Variants in ZNF18 observed in about 807,000 individuals in gnomAD.
ZNF18 encodes the protein zinc finger protein 18, also known as heart development-specific gene 1 protein.
Under a neutral mutation model 58.1 loss-of-function variants are expected in ZNF18, and 42 were observed. That is an observed-to-expected ratio of 0.72 (90% CI 0.56 to 0.93). ZNF18 has a LOEUF of 0.93. Among genes scored for constraint, ZNF18 ranks in the 40% least tolerant of loss-of-function variants. The pLI is 0.00. For synonymous variants in ZNF18, 231 were observed against 239.8 expected (o/e 0.96, Z 0.34); for missense variants, 540 against 644.2 (o/e 0.84, Z 1.75).
At chr17:11,984,920 C>A (rs1057002271) in intron 4 of ZNF18, among the ~76,000 whole-genome samples, 1 of 151,974 alleles carries the variant, frequency 6.6e-6, no homozygotes, top group Non-Finnish European at 1.5e-5. Context: ...TCAGGAAATT[C>A]AAAAAGCAAA....
chr17:12,009,981 C>T, the ZNF18 span, among the ~76,000 whole-genome samples: 1 of 152,216 alleles, frequency 6.6e-6, no homozygotes, highest in East Asian at 1.9e-4. Flanking sequence ...GAAAAGACTA[C>T]AGGAACATCA....
chr17:11,991,061 C>CCTG lies in ZNF18; in HGVS notation c.487_489dup (p.Gln163dup). The CCTG allele has an allele frequency of 6.2e-7, 1 of 1,614,172 alleles. No individual in the cohort carries two copies. The highest frequency in any genetic ancestry group is 8.5e-7 in the Non-Finnish European group (1 of 1,180,022). ...GAGGATGAATTCTCAAGTCCCAACT[C>CCTG]CTGAGGCACCACTTCAAGATGGGGC... On this transcript the variant is annotated inframe_insertion, in exon 3 of 7. Coordinates refer to ENST00000580306, the MANE Select transcript of ZNF18 (RefSeq NM_001303281.2).
chr17:12,011,156 T>G, the ZNF18 span: 528 of 594,754 alleles, frequency 8.9e-4, 1 homozygote, highest in Non-Finnish European at 1.3e-3. Flanking sequence ...AAGGAACAAC[T>G]CCATGTTTTC....
intron 4 of ZNF18, among the ~76,000 whole-genome samples, chr17:11,988,036 T>C (rs1282990387): frequency 6.6e-6 from 1 of 152,206 alleles, no homozygotes; most frequent in Admixed American, 6.5e-5. Flanking sequence ...TTTTAAATGA[T>C]GTTTTAATTA....
At chr17:12,001,644 A>G (rs1255837407), upstream of ZNF18, among the ~76,000 whole-genome samples, 1 of 152,088 alleles carries the variant, frequency 6.6e-6, no homozygotes, top group Non-Finnish European at 1.5e-5. Flanking sequence ...AAACAAACAA[A>G]CAAACAAACA....
At position 11,977,795 on chromosome 17, in the gene ZNF18, ATCC is replaced by A. The variant is rs1415668948; in HGVS notation, c.*159_*161del. ...GCCATTGTGCAATCCAATCCAAGATATCCTCCAAGTCCAAAGCCATGTCCAGAT... is the reference window on the plus strand; with the variant it reads ...GCCATTGTGCAATCCAATCCAAGATATCCAAGTCCAAAGCCATGTCCAGAT... On this transcript the variant is annotated 3_prime_UTR_variant, in exon 7 of 7. Transcript: ENST00000580306. The A allele has an allele frequency of 6.0e-5, 46 of 771,354 alleles. No homozygotes were observed. Among genetic ancestry groups the A allele is most frequent in the Non-Finnish European group, 9.0e-5 (45 of 499,738 alleles). The allele number at this position is 771,354 out of a possible 1,614,324, so 47.8% of individuals were successfully genotyped here.
At chr17:12,011,528 G>A in the ZNF18 span, among the ~76,000 whole-genome samples, 4 of 151,608 alleles carry the variant, frequency 2.6e-5, no homozygotes, top group African/African-American at 7.3e-5. Flanking sequence ...TGGGGCTACA[G>A]GCACCCGCCA....
At chr17:11,992,327 G>A (rs1968177466) in intron 2 of ZNF18, 116 bp downstream of exon 2, 2 of 1,368,002 alleles carry the variant, frequency 1.5e-6, no homozygotes, top group Non-Finnish European at 9.8e-7. Context: ...GGCCATTGGT[G>A]TGAAAAGCCC....
chr17:11,977,826 T>C lies in ZNF18; in HGVS notation c.*131A>G, dbSNP rs1363327458. On this transcript the variant is annotated 3_prime_UTR_variant, in exon 7 of 7. Transcript: ENST00000580306. ...CAAGTCCAAAGCCATGTCCAGATTC[T>C]CTCCTCTCCAATCCAAGAAAAAAGG... 2 of 1,112,008 alleles carry C rather than the reference T, an allele frequency of 1.8e-6. No homozygotes were observed. The highest frequency in any genetic ancestry group is 2.6e-6 in the Non-Finnish European group (2 of 782,932). The allele number at this position is 1,112,008 out of a possible 1,614,324, so 68.9% of individuals were successfully genotyped here.
chr17:11,991,242 C>T, intron 2 of ZNF18, 79 bp from the exon 3 acceptor site: 1 of 1,242,220 alleles, frequency 8.1e-7, no homozygotes. Context: ...TTACTCTCTA[C>T]AACAGATCAT....
Position 11,983,411 on chromosome 17 carries a change from T to C in ZNF18, c.752-4A>G, listed in dbSNP as rs1482856697. The C allele has an allele frequency of 6.2e-7, 1 of 1,610,890 alleles. No homozygotes were observed. The highest frequency in any genetic ancestry group is 1.1e-5 in the South Asian group (1 of 91,030). On this transcript the variant is annotated splice_region_variant and splice_polypyrimidine_tract_variant and intron_variant, in intron 5 of 6. Transcript: ENST00000580306. ...GATTTGGGATGGGAAATGCCTGCTA[T>C]AGAGAGAAAGATGTATGGTGGGCCT... is the stretch of plus-strand genomic sequence containing the variant.
Position 11,978,426 on chromosome 17 carries a change from G to A in ZNF18, c.1181C>T (p.Ser394Phe), listed in dbSNP as rs759595081. 3 of 1,549,378 alleles carry A rather than the reference G, an allele frequency of 1.9e-6. No homozygotes were observed. Among genetic ancestry groups the A allele is most frequent in the Non-Finnish European group, 2.6e-6 (3 of 1,151,698 alleles). ...GGGGGCTCTTGGCTGCCCCTTCTGG[G>A]AGGTCTCTCTCTTCTCCTCAAGCCA... ...TMWLEEKRET[S>F]QKGQPRAPMA... Residue 394 changes from serine (S) to phenylalanine (F), a missense_variant, in exon 7 of 7, where the codon TCC (serine) becomes TTC (phenylalanine). Physicochemically the swap from Ser to Phe is radical, Grantham distance 155. Coordinates refer to ENST00000580306, the MANE Select transcript of ZNF18 (RefSeq NM_001303281.2).
At chr17:12,003,989 T>C in the ZNF18 span, among the ~76,000 whole-genome samples, 1 of 152,114 alleles carries the variant, frequency 6.6e-6, no homozygotes, top group Admixed American at 6.5e-5. Context: ...TCCTAGCACT[T>C]TGGGAGGCTG....
the ZNF18 span, among the ~76,000 whole-genome samples, chr17:12,003,998 T>C: frequency 5.3e-5 from 8 of 152,260 alleles, no homozygotes; most frequent in South Asian, 2.1e-4. Flanking sequence ...TTTGGGAGGC[T>C]GAGGCGGGCG....
the ZNF18 span, among the ~76,000 whole-genome samples, chr17:12,015,852 G>A: frequency 2.6e-5 from 4 of 151,848 alleles, no homozygotes; most frequent in African/African-American, 7.3e-5. Flanking sequence ...CCAGCAGCGC[G>A]ATCTCGGCTC....
chr17:11,982,883 A>C (rs1967465861), intron 6 of ZNF18, among the ~76,000 whole-genome samples: 2 of 152,110 alleles, frequency 1.3e-5, no homozygotes, highest in Non-Finnish European at 2.9e-5. Flanking sequence ...GGATTAGATA[A>C]AACATTTTTT....
At chr17:12,006,534 C>T in the ZNF18 span, among the ~76,000 whole-genome samples, 3 of 152,110 alleles carry the variant, frequency 2.0e-5, no homozygotes, top group South Asian at 2.1e-4. Context: ...GTATGTATCA[C>T]GTGTTTTAGG....
Position 11,977,986 on chromosome 17 carries a change from A to T in ZNF18, c.1621T>A (p.Ser541Thr). The change falls in exon 7 of 7, where the codon TCC becomes ACC. Residue 541 changes from serine (S) to threonine (T), a missense_variant. By Grantham distance (58) the Ser-to-Thr change is moderately conservative (BLOSUM62 1). Transcript: ENST00000580306. ...WSSSLDKHQR[S>T]HLGKKPFQ ...TGAAAGGGCTTCTTTCCTAAGTGGGATCTTTGATGTTTGTCAAGGCTCGAG... is the reference window on the plus strand; with the variant it reads ...TGAAAGGGCTTCTTTCCTAAGTGGGTTCTTTGATGTTTGTCAAGGCTCGAG... The T allele has an allele frequency of 6.3e-7, 1 of 1,585,942 alleles. No individual in the cohort carries two copies. Among genetic ancestry groups the T allele is most frequent in the Non-Finnish European group, 8.6e-7 (1 of 1,166,696 alleles).
At chr17:12,008,080 A>C in the ZNF18 span, among the ~76,000 whole-genome samples, 38,418 of 152,034 alleles carry the variant, frequency 0.25, 5,395 homozygotes, top group Middle Eastern at 0.36. Context: ...AGATACGAAG[A>C]AGCAGCAGCA....
Sources: gnomAD v4.1 joint callset for allele counts (sites outside exome capture counted in the v4.1 genomes callset) on GRCh38, gnomAD v4.1.1 for gene constraint, MANE v1.5 for transcripts, NCBI Gene and HGNC (gene_info 2026-07-23, HGNC 2026-07-21) for gene names.